PRDM5: variants seen among roughly 807,000 people sequenced by gnomAD.
PRDM5 encodes PR domain zinc finger protein 5.
In PRDM5, 56 loss-of-function variants were observed where a neutral mutation model predicts 81.2. That is an observed-to-expected ratio of 0.69 (90% CI 0.56 to 0.86). The LOEUF is 0.86. PRDM5 is among the 40% of genes least tolerant of loss of function. The pLI, the probability that PRDM5 is intolerant of heterozygous loss-of-function variation, is 0.00. For missense variants in PRDM5, 697 were observed against 770.1 expected, an observed-to-expected ratio of 0.91 and a Z score of 1.12; for synonymous variants, 267 against 256.4, an observed-to-expected ratio of 1.04 and a Z score of -0.39.
At chr4:120,875,474 C>G (rs1183347292) in intron 2 of PRDM5, among the ~76,000 whole-genome samples, 2 of 152,182 alleles carry the variant, frequency 1.3e-5, no homozygotes, top group Non-Finnish European at 2.9e-5. Context: ...CAGGGGCAAC[C>G]CTGAAACCAT....
At chr4:120,904,873 A>G (rs1765620494) in intron 2 of PRDM5, among the ~76,000 whole-genome samples, 1 of 152,198 alleles carries the variant, frequency 6.6e-6, no homozygotes, top group Non-Finnish European at 1.5e-5. Context: ...TAACATGTTA[A>G]AAATTGAATT....
At chr4:120,894,895 C>A (rs988424904) in intron 2 of PRDM5, among the ~76,000 whole-genome samples, 9 of 152,138 alleles carry the variant, frequency 5.9e-5, no homozygotes, top group African/African-American at 2.2e-4. Context: ...GCCATGTCAC[C>A]AAAATACCCA....
At chr4:120,684,943 G>A (rs1418488860) in exon 2 of PRDM5, 1 of 151,734 alleles carries the variant, frequency 6.6e-6, no homozygotes, top group African/African-American at 2.4e-5. Flanking sequence ...CAAAATATCA[G>A]CTGAAGTTAG....
rs1456665510 is a variant in PRDM5 at position 120,833,793 on chromosome 4, C to T, written c.301-12448G>A. On this transcript the variant is annotated intron_variant, in intron 3 of 15. Transcript: ENST00000264808. Reference sequence around the variant, plus strand: ...CACGGGGGATCTTGGAACATATCCCCGAAGAGGGGACTATAAAGTGTAAAA... The same window carrying T: ...CACGGGGGATCTTGGAACATATCCCTGAAGAGGGGACTATAAAGTGTAAAA... Among the ~76,000 whole-genome samples, 6 of 151,904 alleles carry T rather than the reference C, an allele frequency of 3.9e-5. No homozygotes were observed. The East Asian group carries it at 7.7e-4, about 20-fold the overall frequency.
chr4:120,778,639 AT>A (rs140881349), intron 12 of PRDM5, among the ~76,000 whole-genome samples: 4 of 152,018 alleles, frequency 2.6e-5, no homozygotes, highest in Admixed American at 1.3e-4. Flanking sequence ...GTGTCTTTTG[AT>A]TTTTTTTCCT....
At chr4:120,855,462 T>C (rs1002289717) in intron 2 of PRDM5, among the ~76,000 whole-genome samples, 3 of 152,176 alleles carry the variant, frequency 2.0e-5, no homozygotes, top group Admixed American at 2.0e-4. Flanking sequence ...TGAAAATTGT[T>C]CTGCCTCCCT....
intron 12 of PRDM5, among the ~76,000 whole-genome samples, chr4:120,779,449 T>G (rs1264127409): frequency 6.6e-6 from 1 of 152,132 alleles, no homozygotes; most frequent in Non-Finnish European, 1.5e-5. Flanking sequence ...AAAAATGTGT[T>G]AAATTCATGC....
intron 2 of PRDM5, among the ~76,000 whole-genome samples, chr4:120,900,109 T>C (rs978771429): frequency 2.0e-5 from 3 of 152,118 alleles, no homozygotes; most frequent in African/African-American, 7.2e-5. Flanking sequence ...ATGTGTTCAG[T>C]TATCTGGAAA....
intron 10 of PRDM5, among the ~76,000 whole-genome samples, chr4:120,797,566 T>C (rs893163609): frequency 6.6e-6 from 1 of 152,094 alleles, no homozygotes; most frequent in African/African-American, 2.4e-5. Flanking sequence ...CAATACTGAA[T>C]AAAGAGACTA....
chr4:120,799,645 A>G lies in PRDM5; in HGVS notation c.1030+16T>C, dbSNP rs760415453. On this transcript the variant is annotated intron_variant, in intron 9 of 15. Coordinates refer to ENST00000264808, the MANE Select transcript of PRDM5 (RefSeq NM_018699.4). ...TGTAATGATATCACTATAAACAAAA[A>G]AAGTATATAGTTTACCTGAGTGGGT... The G allele has an allele frequency of 1.2e-6, 2 of 1,610,670 alleles. No individual in the cohort carries two copies. Among genetic ancestry groups the G allele is most frequent in the African/African-American group, 1.3e-5 (1 of 74,930 alleles).
At chr4:120,872,549 G>A (rs1761938204) in intron 2 of PRDM5, among the ~76,000 whole-genome samples, 2 of 152,134 alleles carry the variant, frequency 1.3e-5, no homozygotes, top group Admixed American at 6.5e-5. Flanking sequence ...CCAAGAAATT[G>A]AGACCAGTCT....
intron 14 of PRDM5, among the ~76,000 whole-genome samples, chr4:120,722,563 T>C (rs574059288): frequency 2.0e-5 from 3 of 152,136 alleles, no homozygotes; most frequent in South Asian, 4.2e-4. Context: ...CTTCAAAAAA[T>C]GCTGATGCCT....
At chr4:120,760,829 A>T (rs1019578618) in intron 13 of PRDM5, among the ~76,000 whole-genome samples, 1 of 152,098 alleles carries the variant, frequency 6.6e-6, no homozygotes, top group Non-Finnish European at 1.5e-5. Flanking sequence ...TCACAAAATC[A>T]CTGTCTCTTC....
At chr4:120,883,863 T>C (rs1763116978) in intron 2 of PRDM5, among the ~76,000 whole-genome samples, 1 of 152,158 alleles carries the variant, frequency 6.6e-6, no homozygotes, top group Admixed American at 6.6e-5. Flanking sequence ...TCAAAAATAA[T>C]TGCTAAAGGG....
chr4:120,916,074 C>A (rs183928740), intron 1 of PRDM5, among the ~76,000 whole-genome samples: 1 of 152,178 alleles, frequency 6.6e-6, no homozygotes, highest in African/African-American at 2.4e-5. Flanking sequence ...GAATATGATA[C>A]CAGACAGAAA....
At chr4:120,866,693 G>A (rs1414152685) in intron 2 of PRDM5, among the ~76,000 whole-genome samples, 1 of 152,144 alleles carries the variant, frequency 6.6e-6, no homozygotes, top group East Asian at 1.9e-4. Flanking sequence ...TGATTCCAGA[G>A]CCCACCATGT....
intron 11 of PRDM5, among the ~76,000 whole-genome samples, chr4:120,784,052 A>G (rs1749416782): frequency 6.6e-6 from 1 of 152,188 alleles, no homozygotes; most frequent in Admixed American, 6.6e-5. Context: ...TTAACTTAAA[A>G]GTAAGAAGTG....
chr4:120,733,186 T>C (rs950814723), intron 14 of PRDM5, among the ~76,000 whole-genome samples: 2 of 152,184 alleles, frequency 1.3e-5, no homozygotes, highest in African/African-American at 4.8e-5. Flanking sequence ...CCTAGTCTTA[T>C]TGTTCATTTT....
intron 3 of PRDM5, among the ~76,000 whole-genome samples, chr4:120,846,184 C>T (rs1239676706): frequency 6.6e-6 from 1 of 152,186 alleles, no homozygotes; most frequent in Non-Finnish European, 1.5e-5. Context: ...TCAAATATGA[C>T]ATAAACTTAT....
Sources: gnomAD v4.1 joint callset for allele counts (sites outside exome capture counted in the v4.1 genomes callset) on GRCh38, gnomAD v4.1.1 for gene constraint, MANE v1.5 for transcripts, NCBI Gene and HGNC (gene_info 2026-07-23, HGNC 2026-07-21) for gene names.